The following SATB1 variants were observed in gnomAD, a reference collection of about 807,000 sequenced individuals.
The protein encoded by SATB1 is SATB homeobox 1, also known as DNA-binding protein SATB1.
In SATB1, 11 loss-of-function variants were observed where a neutral mutation model predicts 86.9. That is an observed-to-expected ratio of 0.13 (90% CI 0.08 to 0.21). SATB1 has a LOEUF of 0.21. SATB1 is among the 10% of genes least tolerant of loss of function. The pLI is 1.00. For missense variants in SATB1, 551 were observed against 937.6 expected, an observed-to-expected ratio of 0.59 and a Z score of 5.39; for synonymous variants, 357 against 357.2, an observed-to-expected ratio of 1.00 and a Z score of 0.01.
At chr3:18,361,763 T>C (rs1459929692) in intron 9 of SATB1, among the ~76,000 whole-genome samples, 7 of 152,218 alleles carry the variant, frequency 4.6e-5, no homozygotes, top group African/African-American at 1.7e-4. Flanking sequence ...ATATTATTTG[T>C]ACTAGCAAAA....
intron 2 of SATB1, among the ~76,000 whole-genome samples, chr3:18,432,287 G>T (rs773274010): frequency 4.6e-5 from 7 of 152,092 alleles, no homozygotes; most frequent in Non-Finnish European, 8.8e-5. Flanking sequence ...TTTTAATTCC[G>T]GTGAAATCGA....
intron 9 of SATB1, among the ~76,000 whole-genome samples, chr3:18,358,929 TGAGTA>T (rs1247550232): frequency 6.6e-6 from 1 of 151,900 alleles, no homozygotes; most frequent in Non-Finnish European, 1.5e-5. Context: ...ATTTTTTGCT[TGAGTA>T]AATTTTTGCC....
intron 9 of SATB1, chr3:18,353,099 G>T (rs1333501410): frequency 2.6e-5 from 4 of 152,276 alleles, no homozygotes; most frequent in African/African-American, 9.7e-5. Context: ...AGCCAAGGCA[G>T]CTACCCCTCA....
chr3:18,360,896 A>T (rs1694874757), intron 9 of SATB1, among the ~76,000 whole-genome samples: 1 of 152,172 alleles, frequency 6.6e-6, no homozygotes, highest in Admixed American at 6.5e-5. Context: ...ATTGATGGGC[A>T]GACATCAAGT....
intron 9 of SATB1, among the ~76,000 whole-genome samples, chr3:18,353,803 G>A (rs1281554119): frequency 6.6e-6 from 1 of 152,170 alleles, no homozygotes; most frequent in Non-Finnish European, 1.5e-5. Flanking sequence ...GCAGCTCATC[G>A]TGACGACTGC....
upstream of SATB1, among the ~76,000 whole-genome samples, chr3:18,441,426 A>T (rs1295369706): frequency 6.6e-6 from 1 of 152,160 alleles, no homozygotes; most frequent in Non-Finnish European, 1.5e-5. Flanking sequence ...AAGAGATTAA[A>T]AACATTTTTG....
intron 1 of SATB1, among the ~76,000 whole-genome samples, chr3:18,422,829 AC>A (rs1258944424): frequency 2.0e-5 from 3 of 152,214 alleles, no homozygotes; most frequent in Non-Finnish European, 2.9e-5. Flanking sequence ...ATGCTATAAA[AC>A]ATATTAAGTA....
intron 9 of SATB1, among the ~76,000 whole-genome samples, chr3:18,359,115 TA>T (rs747452488): frequency 4.6e-5 from 7 of 152,064 alleles, no homozygotes; most frequent in Non-Finnish European, 8.8e-5. Context: ...ATTTACAATT[TA>T]ATCAGATAAA....
chr3:18,382,257 G>C (rs1696103109), intron 8 of SATB1, among the ~76,000 whole-genome samples: 1 of 152,010 alleles, frequency 6.6e-6, no homozygotes, highest in South Asian at 2.1e-4. Flanking sequence ...TACATAAAGA[G>C]ATGTAAAAAA....
intron 5 of SATB1, among the ~76,000 whole-genome samples, chr3:18,410,534 T>C (rs1358438342): frequency 6.6e-6 from 1 of 152,062 alleles, no homozygotes; most frequent in Non-Finnish European, 1.5e-5. Context: ...GCGCTCTCGA[T>C]ACATCAAAAG....
chr3:18,379,968 G>A (rs1242414090), intron 8 of SATB1, among the ~76,000 whole-genome samples: 3 of 152,114 alleles, frequency 2.0e-5, no homozygotes, highest in Non-Finnish European at 1.5e-5. Flanking sequence ...AACACATACA[G>A]GGCTTTGAAG....
intron 1 of SATB1, among the ~76,000 whole-genome samples, chr3:18,423,058 C>T (rs1359404819): frequency 1.3e-5 from 2 of 152,178 alleles, no homozygotes; most frequent in African/African-American, 2.4e-5. Flanking sequence ...CTCATTTTAA[C>T]TCTATGCCCG....
Position 18,345,500 on chromosome 3 carries a change from A to T in SATB1, c.*3670T>A, listed in dbSNP as rs1694007418. The T allele has an allele frequency of 6.6e-6, 1 of 152,144 alleles. No individual in the cohort carries two copies. The highest frequency in any genetic ancestry group is 2.4e-5 in the African/African-American group (1 of 41,458). 9.4% of individuals were successfully genotyped at this position (152,144 alleles called of 1,614,324 possible). On this transcript the variant is annotated 3_prime_UTR_variant, in exon 11 of 11. Transcript: ENST00000338745. ...TAGGGTACTTTATATTTTATCAAAA[A>T]TGTGCATATTAATAGATTGTAGTTT...
chr3:18,365,242 G>A (rs1181348067), intron 9 of SATB1, among the ~76,000 whole-genome samples: 3 of 152,094 alleles, frequency 2.0e-5, no homozygotes, highest in Admixed American at 1.3e-4. Context: ...AAATTGTTAC[G>A]GGTATTGACA....
chr3:18,375,638 T>C (rs1325315121), intron 9 of SATB1, among the ~76,000 whole-genome samples: 1 of 152,158 alleles, frequency 6.6e-6, no homozygotes, highest in Non-Finnish European at 1.5e-5. Context: ...TCTGTTTCCT[T>C]CACAAAACAT....
chr3:18,415,257 AG>A, intron 4 of SATB1, 23 bp from the exon 5 acceptor site: 1 of 1,612,034 alleles, frequency 6.2e-7, no homozygotes, highest in Non-Finnish European at 8.5e-7. Context: ...TAGATTAGAA[AG>A]GGGATTATTA....
At chr3:18,419,589 A>G (rs1266594350) in intron 2 of SATB1, among the ~76,000 whole-genome samples, 3 of 152,204 alleles carry the variant, frequency 2.0e-5, no homozygotes, top group African/African-American at 7.2e-5. Context: ...CAGGCGTCAG[A>G]AAGTCTTTTT....
rs1163231053 is a variant in SATB1 at position 18,420,931 on chromosome 3, G to C, written c.37C>G (p.His13Asp). ...CTCACATTGTTAGACATTTCTGAATGTTCTTTCCCCTGAGTTGCCTCGTTC... is the reference window on the plus strand; with the variant it reads ...CTCACATTGTTAGACATTTCTGAATCTTCTTTCCCCTGAGTTGCCTCGTTC... ...HLNEATQGKEHSEMSNNVSDP... is the reference protein window; with the variant it reads ...HLNEATQGKEDSEMSNNVSDP... Residue 13 changes from histidine (H) to aspartate (D), a missense_variant, in exon 2 of 11, where the codon CAT (histidine) becomes GAT (aspartate). His to Asp is a moderately conservative substitution (Grantham distance 81, BLOSUM62 -1). Transcript: ENST00000338745. 6.2e-7 allele frequency: 1 copy of C among 1,614,036 alleles called. No individual in the cohort carries two copies. Among genetic ancestry groups the C allele is most frequent in the Non-Finnish European group, 8.5e-7 (1 of 1,180,032 alleles).
chr3:18,426,178 T>C (rs1698694519), upstream of SATB1, among the ~76,000 whole-genome samples: 2 of 152,166 alleles, frequency 1.3e-5, no homozygotes, highest in South Asian at 4.1e-4. The surrounding 1 kb of genome is among the most constrained non-coding windows in gnomAD (Gnocchi z 4.2). Flanking sequence ...GCTCGGAATG[T>C]TTATCCTCTA....
Sources: gnomAD v4.1 joint callset for allele counts (sites outside exome capture counted in the v4.1 genomes callset) on GRCh38, gnomAD v4.1.1 for gene constraint, Gnocchi (gnomAD v3.1) non-coding constraint, MANE v1.5 for transcripts, NCBI Gene and HGNC (gene_info 2026-07-23, HGNC 2026-07-21) for gene names.